The following SASH1 variants were observed in gnomAD, a reference collection of about 807,000 sequenced individuals.
SASH1 encodes the protein SAM and SH3 domain containing 1.
SASH1 carries 44 observed loss-of-function variants against 125.2 expected under a neutral mutation model. That is an observed-to-expected ratio of 0.35 (90% confidence interval 0.28 to 0.45). The LOEUF is 0.45. SASH1 is among the 20% of genes least tolerant of loss of function. SASH1 has a pLI of 1.00. For synonymous variants in SASH1, 639 were observed against 649.1 expected, an observed-to-expected ratio of 0.98 and a Z score of 0.24; for missense variants, 1,426 against 1,614.5, an observed-to-expected ratio of 0.88 and a Z score of 2.00.
chr6:148,377,194 AC>A (rs1375214334), intron 1 of SASH1, among the ~76,000 whole-genome samples: 36 of 143,924 alleles, frequency 2.5e-4, no homozygotes, highest in African/African-American at 7.2e-4. Context: ...CAAAAAAAAA[AC>A]AAAAAAAAAA....
At chr6:148,256,566 A>C in the SASH1 span, among the ~76,000 whole-genome samples, 2 of 152,198 alleles carry the variant, frequency 1.3e-5, no homozygotes, top group African/African-American at 4.8e-5. Context: ...AAAGTGTCTC[A>C]TGTTAAAAAT....
intron 1 of SASH1, among the ~76,000 whole-genome samples, chr6:148,307,034 TTCTTTCTTTCTTTC>T (rs1375976647): frequency 2.6e-4 from 19 of 72,350 alleles, no homozygotes; most frequent in African/African-American, 1.1e-3. Context: ...TTTTCTTTCT[TTCTTTCTTTCTTTC>T]TTTCTTTCTT....
intron 11 of SASH1, 38 bp downstream of exon 11, chr6:148,525,403 A>G: frequency 9.7e-6 from 14 of 1,449,654 alleles, no homozygotes; most frequent in Non-Finnish European, 1.4e-5. Flanking sequence ...ATATGGATTC[A>G]GGCGATGAGG....
intron 2 of SASH1, among the ~76,000 whole-genome samples, chr6:148,435,824 T>C (rs1457495138): frequency 2.6e-5 from 4 of 152,210 alleles, no homozygotes; most frequent in Non-Finnish European, 5.9e-5. Flanking sequence ...TCTTTACTTT[T>C]GTATATTTAA....
intron 1 of SASH1, among the ~76,000 whole-genome samples, chr6:148,327,948 A>AG (rs1780882069): frequency 6.6e-6 from 1 of 151,674 alleles, no homozygotes; most frequent in Admixed American, 6.6e-5. Context: ...CTAAAAAAAA[A>AG]AAAAAAAAGA....
chr6:148,549,401 ATGTGTGTGCGTGCGTGCGTGCGCG>A lies in SASH1; in HGVS notation c.*851_*874del. The A allele has an allele frequency of 2.6e-6, 1 of 386,036 alleles. No individual in the cohort carries two copies. Among genetic ancestry groups the A allele is most frequent in the African/African-American group, 2.1e-5 (1 of 48,472 alleles). 23.9% of individuals were successfully genotyped at this position (386,036 alleles called of 1,614,324 possible). ...AAGCTATCTGAAATTCACAAATATC[ATGTGTGTGCGTGCGTGCGTGCGCG>A]TGTGTGTCTGTATTCATAGTGACTG... On this transcript the variant is annotated 3_prime_UTR_variant, in exon 20 of 20. Coordinates refer to ENST00000367467, the MANE Select transcript of SASH1 (RefSeq NM_015278.5).
chr6:148,523,861 A>G (rs1474877845), intron 10 of SASH1, among the ~76,000 whole-genome samples: 1 of 152,172 alleles, frequency 6.6e-6, no homozygotes, highest in Non-Finnish European at 1.5e-5. Flanking sequence ...AAGTAGTGGA[A>G]GAAACCAGCA....
At chr6:148,244,348 A>G in the SASH1 span, among the ~76,000 whole-genome samples, 1 of 152,172 alleles carries the variant, frequency 6.6e-6, no homozygotes, top group Non-Finnish European at 1.5e-5. Context: ...TATCCCTATC[A>G]TGCAGAGGAG....
intron 7 of SASH1, chr6:148,480,516 G>A (rs1161242377): frequency 6.6e-6 from 1 of 152,138 alleles, no homozygotes; most frequent in African/African-American, 2.4e-5. Flanking sequence ...AGACACTTGG[G>A]TGGAGCTTGT....
intron 1 of SASH1, among the ~76,000 whole-genome samples, chr6:148,384,373 TAAAAG>T (rs1158765898): frequency 3.3e-5 from 5 of 152,274 alleles, no homozygotes; most frequent in South Asian, 2.1e-4. Flanking sequence ...TTGAACACCT[TAAAAG>T]AAAAGGTTTA....
intron 1 of SASH1, among the ~76,000 whole-genome samples, chr6:148,383,759 T>G (rs1783249246): frequency 6.6e-6 from 1 of 152,110 alleles, no homozygotes; most frequent in Non-Finnish European, 1.5e-5. Context: ...TAGTTTTAGG[T>G]TTTCCATTTT....
At chr6:148,415,278 G>A (rs1262522957) in intron 2 of SASH1, among the ~76,000 whole-genome samples, 1 of 152,150 alleles carries the variant, frequency 6.6e-6, no homozygotes, top group Admixed American at 6.5e-5. Context: ...TTACTCTAAA[G>A]GGGCCTGGGC....
intron 7 of SASH1, among the ~76,000 whole-genome samples, chr6:148,486,001 A>T (rs371502260): frequency 1.3e-5 from 2 of 152,334 alleles, no homozygotes; most frequent in South Asian, 2.1e-4. Context: ...ACTCTCTCAC[A>T]TATGCCATTC....
At chr6:148,541,933 G>T (rs1043660581) in intron 17 of SASH1, among the ~76,000 whole-genome samples, 1 of 152,166 alleles carries the variant, frequency 6.6e-6, no homozygotes, top group African/African-American at 2.4e-5. Context: ...AACTCACCTA[G>T]TATCCCAGTA....
At chr6:148,448,512 C>G (rs1469855098) in intron 4 of SASH1, among the ~76,000 whole-genome samples, 1 of 152,114 alleles carries the variant, frequency 6.6e-6, no homozygotes, top group Non-Finnish European at 1.5e-5. Context: ...CCCCGGGTCA[C>G]ACTTCTCTCA....
chr6:148,457,960 T>A (rs780273529), intron 4 of SASH1, among the ~76,000 whole-genome samples: 1 of 152,182 alleles, frequency 6.6e-6, no homozygotes, highest in East Asian at 1.9e-4. Flanking sequence ...CATGATTAAA[T>A]CACCTCCAAC....
chr6:148,370,967 G>A (rs1468586748), intron 1 of SASH1, among the ~76,000 whole-genome samples: 2 of 152,136 alleles, frequency 1.3e-5, no homozygotes, highest in Non-Finnish European at 2.9e-5. Flanking sequence ...GAAGTGAAAC[G>A]CTGTCATGAA....
At chr6:148,482,114 T>G (rs1004252171) in intron 7 of SASH1, among the ~76,000 whole-genome samples, 1 of 152,172 alleles carries the variant, frequency 6.6e-6, no homozygotes, top group African/African-American at 2.4e-5. Flanking sequence ...GTAATTTGTT[T>G]GTTGGAGGGT....
intron 1 of SASH1, among the ~76,000 whole-genome samples, chr6:148,290,147 C>T (rs1779591078): frequency 6.7e-6 from 1 of 149,670 alleles, no homozygotes; most frequent in African/African-American, 2.5e-5. Context: ...GGATTACAGG[C>T]GAGAGCCACC....
Sources: allele counts gnomAD v4.1 joint callset (sites outside exome capture counted in the v4.1 genomes callset), GRCh38; gene constraint gnomAD v4.1.1; transcripts MANE v1.5; gene names NCBI Gene and HGNC (gene_info 2026-07-23, HGNC 2026-07-21).